The following CA4 variants were observed in gnomAD, a reference collection of about 807,000 sequenced individuals.
CA4 encodes the protein carbonic anhydrase 4.
CA4 carries 24 observed loss-of-function variants against 34.5 expected under a neutral mutation model. The ratio of observed to expected loss-of-function variants is 0.70; its 90% CI spans 0.50 to 0.98. The LOEUF is 0.98. Among genes scored for constraint, CA4 ranks in the 50% least tolerant of loss-of-function variants. CA4 has a pLI of 0.00. For synonymous variants in CA4, 178 were observed against 170.6 expected (o/e 1.04, Z -0.34); for missense variants, 394 against 396.7 (o/e 0.99, Z 0.06).
chr17:60,156,477 T>C (rs1330981410), intron 2 of CA4, 83 bp from the exon 3 acceptor site: 2 of 1,360,702 alleles, frequency 1.5e-6, no homozygotes, highest in Admixed American at 1.7e-5. Flanking sequence ...ACTGAGTGGG[T>C]GGGCCTGACT....
chr17:60,150,386 T>C (rs1469212349), intron 1 of CA4, among the ~76,000 whole-genome samples: 1 of 151,932 alleles, frequency 6.6e-6, no homozygotes, highest in Non-Finnish European at 1.5e-5. Context: ...TAAGGATGCG[T>C]CTCAGGCCGG....
chr17:60,164,370 G>GTCTT (rs904471139), downstream of CA4, among the ~76,000 whole-genome samples: 9 of 136,548 alleles, frequency 6.6e-5, no homozygotes, highest in South Asian at 2.3e-4. Flanking sequence ...CTGTCTGTCT[G>GTCTT]TCTTTCTTTC....
intron 1 of CA4, among the ~76,000 whole-genome samples, chr17:60,150,962 C>A (rs1036665303): frequency 5.3e-5 from 8 of 152,202 alleles, no homozygotes; most frequent in Non-Finnish European, 2.9e-5. Flanking sequence ...AGCCCCAAGG[C>A]CTCTGCGGAG....
At chr17:60,178,342 G>A in the CA4 span, among the ~76,000 whole-genome samples, 2 of 152,198 alleles carry the variant, frequency 1.3e-5, no homozygotes. Flanking sequence ...TAGCTCCAAT[G>A]CCACTTACCT....
At chr17:60,151,387 C>G (rs910197823) in intron 1 of CA4, 2 of 152,196 alleles carry the variant, frequency 1.3e-5, no homozygotes, top group Admixed American at 6.5e-5. Context: ...GCCTCTCCAC[C>G]GGGCCCCTGG....
At chr17:60,171,963 T>TC (rs889135501), downstream of CA4, among the ~76,000 whole-genome samples, 2 of 152,178 alleles carry the variant, frequency 1.3e-5, no homozygotes, top group African/African-American at 4.8e-5. Flanking sequence ...TCTACTGCTT[T>TC]CCATGGCATC....
chr17:60,161,753 A>AG (rs149150719), downstream of CA4, among the ~76,000 whole-genome samples: 2,042 of 151,270 alleles, frequency 0.013, 46 homozygotes, highest in African/African-American at 0.047. Context: ...GCTGTGGGGG[A>AG]GGGGTGGTAT....
At chr17:60,165,745 T>A (rs2145301392) in intron 5 of CA4, among the ~76,000 whole-genome samples, 1 of 152,148 alleles carries the variant, frequency 6.6e-6, no homozygotes, top group South Asian at 2.1e-4. Context: ...GTCCCCACCC[T>A]TGGCTTCAGT....
downstream of CA4, among the ~76,000 whole-genome samples, chr17:60,161,102 C>T (rs1338892928): frequency 2.0e-5 from 3 of 152,040 alleles, no homozygotes; most frequent in East Asian, 5.8e-4. Flanking sequence ...TGGGGGTGTC[C>T]AAGGGTGTGG....
intron 5 of CA4, among the ~76,000 whole-genome samples, chr17:60,169,992 C>G (rs2083898393): frequency 6.6e-6 from 1 of 152,138 alleles, no homozygotes; most frequent in African/African-American, 2.4e-5. Context: ...CTCTTAATCC[C>G]AGGGGAAAAA....
the CA4 span, among the ~76,000 whole-genome samples, chr17:60,178,078 A>T: frequency 2.0e-3 from 305 of 149,830 alleles, 2 homozygotes; most frequent in African/African-American, 7.5e-3. Flanking sequence ...TGTAAAATTT[A>T]AAAAAAAGAC....
intron 1 of CA4, among the ~76,000 whole-genome samples, chr17:60,150,352 GCGAGA>G (rs1567725887): frequency 1.3e-5 from 2 of 152,152 alleles, no homozygotes; most frequent in African/African-American, 2.4e-5. Context: ...GCGTGGCCCG[GCGAGA>G]CGAGTTGGGA....
At chr17:60,168,567 T>C (rs1334475617) in intron 5 of CA4, among the ~76,000 whole-genome samples, 1 of 150,112 alleles carries the variant, frequency 6.7e-6, no homozygotes, top group Non-Finnish European at 1.5e-5. Flanking sequence ...TCTTTTTTTT[T>C]TTTCGGTGGG....
At chr17:60,154,660 G>A (rs568295890) in intron 1 of CA4, among the ~76,000 whole-genome samples, 10 of 152,228 alleles carry the variant, frequency 6.6e-5, no homozygotes, top group African/African-American at 2.4e-4. Context: ...CTTTTTTTCA[G>A]AGATGCTGGG....
chr17:60,165,447 G>A (rs754730611), intron 5 of CA4, among the ~76,000 whole-genome samples: 51 of 152,162 alleles, frequency 3.4e-4, no homozygotes, highest in Non-Finnish European at 6.8e-4. Context: ...CCTGCCTTAG[G>A]GGGTAGCAGG....
chr17:60,153,538 CT>C (rs2083626210), intron 1 of CA4, among the ~76,000 whole-genome samples: 1 of 152,178 alleles, frequency 6.6e-6, no homozygotes, highest in Admixed American at 6.5e-5. Flanking sequence ...AATAAACGTG[CT>C]TTTCCTTTGC....
downstream of CA4, among the ~76,000 whole-genome samples, chr17:60,162,725 C>G (rs73320946): frequency 6.6e-6 from 1 of 152,132 alleles, no homozygotes; most frequent in African/African-American, 2.4e-5. Context: ...GGGTGCCCAT[C>G]GTGTTCCAGG....
At chr17:60,158,746 C>A (rs2083742780) in intron 7 of CA4, 1 of 491,188 alleles carries the variant, frequency 2.0e-6, no homozygotes, top group Non-Finnish European at 3.7e-6. Context: ...CAAATCCCTA[C>A]CCTTGCACTG....
intron 1 of CA4, among the ~76,000 whole-genome samples, chr17:60,155,013 A>G (rs1479630680): frequency 2.0e-5 from 3 of 152,174 alleles, no homozygotes; most frequent in African/African-American, 7.2e-5. Context: ...AGGATGGAGT[A>G]TCCAAGCCAG....
Sources: gnomAD v4.1 joint callset for allele counts (sites outside exome capture counted in the v4.1 genomes callset) on GRCh38, gnomAD v4.1.1 for gene constraint, MANE v1.5 for transcripts, NCBI Gene and HGNC (gene_info 2026-07-23, HGNC 2026-07-21) for gene names.